Variants in SH3RF1 observed in about 807,000 individuals in gnomAD.
The protein encoded by SH3RF1 is SH3 domain containing ring finger 1.
SH3RF1 carries 32 observed loss-of-function variants against 74.0 expected under a neutral mutation model. That is an observed-to-expected ratio of 0.43 (90% CI 0.33 to 0.58). The LOEUF (loss-of-function observed/expected upper bound fraction) is 0.58, where lower values mean the gene tolerates loss of function less well. SH3RF1 is among the 20% of genes least tolerant of loss of function. SH3RF1 has a pLI of 0.05. For missense variants in SH3RF1, 954 were observed against 1,130.9 expected, an observed-to-expected ratio of 0.84 and a Z score of 2.24; for synonymous variants, 396 against 439.6, an observed-to-expected ratio of 0.90 and a Z score of 1.24.
At chr4:169,126,760 A>AC (rs1733531787) in intron 6 of SH3RF1, among the ~76,000 whole-genome samples, 2 of 152,026 alleles carry the variant, frequency 1.3e-5, no homozygotes, top group South Asian at 4.2e-4. Context: ...ATTAAAAAAA[A>AC]ATTTTTTTTT....
intron 2 of SH3RF1, among the ~76,000 whole-genome samples, chr4:169,171,143 G>A (rs944661530): frequency 1.3e-5 from 2 of 152,182 alleles, no homozygotes; most frequent in Non-Finnish European, 2.9e-5. Context: ...CCAATCGCAG[G>A]CAGCCAATTG....
chr4:169,180,373 T>C (rs537132979), intron 2 of SH3RF1, among the ~76,000 whole-genome samples: 2 of 152,328 alleles, frequency 1.3e-5, no homozygotes, highest in Middle Eastern at 3.4e-3. Context: ...CCTCATTGAA[T>C]TGTTGACATT....
At chr4:169,102,408 C>T (rs114504131) in intron 11 of SH3RF1, among the ~76,000 whole-genome samples, 1,974 of 151,238 alleles carry the variant, frequency 0.013, 39 homozygotes, top group African/African-American at 0.045. Context: ...TTTTTTTTTC[C>T]CCCAATTTAG....
At chr4:169,130,934 T>C (rs1418516296) in intron 5 of SH3RF1, among the ~76,000 whole-genome samples, 1 of 152,214 alleles carries the variant, frequency 6.6e-6, no homozygotes, top group African/African-American at 2.4e-5. Flanking sequence ...CCTGCACAAA[T>C]GGAAGTGTTT....
At chr4:169,253,269 T>G (rs751555612) in intron 2 of SH3RF1, among the ~76,000 whole-genome samples, 5 of 152,204 alleles carry the variant, frequency 3.3e-5, no homozygotes, top group Admixed American at 6.5e-5. Flanking sequence ...TCTTAATCCA[T>G]AAGGAAATGT....
At chr4:169,115,886 G>A (rs1405228491) in intron 10 of SH3RF1, among the ~76,000 whole-genome samples, 8 of 152,148 alleles carry the variant, frequency 5.3e-5, no homozygotes, top group Admixed American at 4.6e-4. Context: ...GACTCACTGA[G>A]CAGGAAGACT....
chr4:169,205,549 A>G (rs1730240387), intron 2 of SH3RF1, among the ~76,000 whole-genome samples: 1 of 152,194 alleles, frequency 6.6e-6, no homozygotes, highest in Non-Finnish European at 1.5e-5. Flanking sequence ...TCCAGAGCAC[A>G]GTGCAGCACT....
At chr4:169,183,401 C>A (rs1211703088) in intron 2 of SH3RF1, among the ~76,000 whole-genome samples, 1 of 152,116 alleles carries the variant, frequency 6.6e-6, no homozygotes, top group African/African-American at 2.4e-5. Flanking sequence ...CTGGCTCAGC[C>A]TCCCGAGTAG....
At chr4:169,190,288 T>C (rs563656596) in intron 2 of SH3RF1, among the ~76,000 whole-genome samples, 40 of 152,144 alleles carry the variant, frequency 2.6e-4, no homozygotes, top group African/African-American at 8.9e-4. Flanking sequence ...AAAAAGCTGG[T>C]TCTTTGAAAA....
At chr4:169,248,419 T>C (rs1385629580) in intron 2 of SH3RF1, among the ~76,000 whole-genome samples, 1 of 151,984 alleles carries the variant, frequency 6.6e-6, no homozygotes, top group Non-Finnish European at 1.5e-5. Flanking sequence ...TTCTCACTCA[T>C]AAGTGGGAGT....
chr4:169,217,698 T>G (rs558717127), intron 2 of SH3RF1, among the ~76,000 whole-genome samples: 1 of 152,088 alleles, frequency 6.6e-6, no homozygotes, highest in South Asian at 2.1e-4. Context: ...GAGAAGGGAA[T>G]AGGGAGTTAC....
intron 10 of SH3RF1, among the ~76,000 whole-genome samples, chr4:169,115,188 G>T (rs1484146586): frequency 6.6e-6 from 1 of 152,054 alleles, no homozygotes; most frequent in Non-Finnish European, 1.5e-5. Context: ...TATGGATTTA[G>T]AAAATAATGT....
intron 4 of SH3RF1, among the ~76,000 whole-genome samples, chr4:169,142,798 G>A (rs538546126): frequency 1.2e-4 from 19 of 152,316 alleles, no homozygotes; most frequent in African/African-American, 4.6e-4. Flanking sequence ...CCTCTCAGCA[G>A]ACATGAAAAT....
chr4:169,255,030 C>T lies in SH3RF1; in HGVS notation c.393+13790G>A, dbSNP rs147135476. Among the ~76,000 whole-genome samples the T allele has an allele frequency of 2.7e-4, 41 of 152,180 alleles. No individual in the cohort carries two copies. The East Asian group carries it at 6.8e-3, about 25-fold the overall frequency. ...AAGGAATGAGAGTACATTGCAAGGA[C>T]AGGAATTTATGTTTAACAGAAAAAA... On this transcript the variant is annotated intron_variant, in intron 2 of 11. Coordinates refer to ENST00000284637, the MANE Select transcript of SH3RF1 (RefSeq NM_020870.4).
intron 2 of SH3RF1, among the ~76,000 whole-genome samples, chr4:169,209,336 T>C (rs1386284682): frequency 1.3e-5 from 2 of 151,922 alleles, no homozygotes; most frequent in Non-Finnish European, 2.9e-5. Flanking sequence ...AGAGTGTCCT[T>C]TCAGCCAACT....
At chr4:169,128,684 G>A (rs986455458) in intron 6 of SH3RF1, among the ~76,000 whole-genome samples, 2 of 152,158 alleles carry the variant, frequency 1.3e-5, no homozygotes, top group Non-Finnish European at 2.9e-5. Flanking sequence ...AAACTAGCCG[G>A]AGCCAACATT....
At chr4:169,242,081 G>A (rs562343443) in intron 2 of SH3RF1, among the ~76,000 whole-genome samples, 1 of 151,854 alleles carries the variant, frequency 6.6e-6, no homozygotes, top group African/African-American at 2.4e-5. Context: ...GGGAAAGGAG[G>A]GATCTATAAA....
intron 2 of SH3RF1, among the ~76,000 whole-genome samples, chr4:169,265,556 C>T (rs1390831990): frequency 3.9e-5 from 6 of 152,132 alleles, no homozygotes; most frequent in Non-Finnish European, 8.8e-5. Flanking sequence ...TCACTGTAAA[C>T]TCTGCCTCCC....
chr4:169,248,319 T>C (rs1731042991), intron 2 of SH3RF1, among the ~76,000 whole-genome samples: 1 of 152,100 alleles, frequency 6.6e-6, no homozygotes, highest in Non-Finnish European at 1.5e-5. Flanking sequence ...TAAAAAAGAA[T>C]GAGTTCATGT....
Sources: gnomAD v4.1 joint callset for allele counts (sites outside exome capture counted in the v4.1 genomes callset) on GRCh38, gnomAD v4.1.1 for gene constraint, MANE v1.5 for transcripts, NCBI Gene and HGNC (gene_info 2026-07-23, HGNC 2026-07-21) for gene names.